Variants in NMNAT2 observed in about 807,000 individuals in gnomAD.
NMNAT2 encodes nicotinamide nucleotide adenylyltransferase 2, also known as nicotinamide/nicotinic acid mononucleotide adenylyltransferase 2.
NMNAT2 carries 11 observed loss-of-function variants against 41.6 expected under a neutral mutation model. The observed-to-expected ratio is 0.26, with a 90% CI of 0.17 to 0.44. The LOEUF is 0.44. Among genes scored for constraint, NMNAT2 ranks in the 20% least tolerant of loss-of-function variants. The probability of loss-of-function intolerance (pLI) is 1.00; values close to 1 mark genes in which losing one functional copy is unlikely to be tolerated. For missense variants in NMNAT2, 288 were observed against 407.7 expected (o/e 0.71, Z 2.53); for synonymous variants, 148 against 151.2 (o/e 0.98, Z 0.16).
At chr1:183,266,518 T>C (rs1660819612) in intron 8 of NMNAT2, 1 of 153,268 alleles carries the variant, frequency 6.5e-6, no homozygotes, top group African/African-American at 2.4e-5. Context: ...GAATAGTCGC[T>C]TTACAAAAGG....
chr1:183,330,894 T>C (rs1045638680), intron 1 of NMNAT2, among the ~76,000 whole-genome samples: 1 of 152,176 alleles, frequency 6.6e-6, no homozygotes, highest in African/African-American at 2.4e-5. Flanking sequence ...GGCTCAGAGC[T>C]CCCAGTCCCT....
chr1:183,412,869 A>G (rs1300737057), intron 1 of NMNAT2, among the ~76,000 whole-genome samples: 1 of 152,204 alleles, frequency 6.6e-6, no homozygotes, highest in Non-Finnish European at 1.5e-5. Context: ...AAATGAGGTC[A>G]ATATGTTGCA....
chr1:183,286,171 A>T (rs1040606161), intron 5 of NMNAT2, among the ~76,000 whole-genome samples: 1 of 152,186 alleles, frequency 6.6e-6, no homozygotes, highest in Non-Finnish European at 1.5e-5. Context: ...TCCTGGGCTC[A>T]AGAGATCCTC....
chr1:183,282,694 C>T (rs903051450), intron 7 of NMNAT2, among the ~76,000 whole-genome samples: 1 of 152,164 alleles, frequency 6.6e-6, no homozygotes, highest in African/African-American at 2.4e-5. Flanking sequence ...GGCACCTTCC[C>T]TCCCATCCTT....
chr1:183,318,691 C>T (rs1419185249), intron 1 of NMNAT2, among the ~76,000 whole-genome samples: 1 of 152,144 alleles, frequency 6.6e-6, no homozygotes, highest in African/African-American at 2.4e-5. Context: ...CCACGGGCTC[C>T]ATCTGCTGAG....
chr1:183,276,240 C>T (rs539593173), intron 8 of NMNAT2, among the ~76,000 whole-genome samples: 1 of 152,266 alleles, frequency 6.6e-6, no homozygotes, highest in South Asian at 2.1e-4. Flanking sequence ...CAAGTGGGAA[C>T]ATATTTGACC....
intron 1 of NMNAT2, among the ~76,000 whole-genome samples, chr1:183,329,935 T>C (rs1662545565): frequency 6.6e-6 from 1 of 152,212 alleles, no homozygotes; most frequent in Non-Finnish European, 1.5e-5. Flanking sequence ...AGAATTCATG[T>C]TTACTGACTT....
intron 1 of NMNAT2, among the ~76,000 whole-genome samples, chr1:183,295,920 C>T (rs10797870): frequency 0.55 from 83,679 of 151,954 alleles, 24,362 homozygotes; most frequent in Non-Finnish European, 0.64. Context: ...GCCATCTCAG[C>T]TCACTGCAAC....
At chr1:183,261,413 G>A (rs551890081) in intron 8 of NMNAT2, 110 bp from the exon 9 acceptor site, 2 of 990,602 alleles carry the variant, frequency 2.0e-6, no homozygotes, top group African/African-American at 3.2e-5. Context: ...GGAGCCCCAA[G>A]CTTTAGTCCC....
chr1:183,273,209 C>T (rs919635748), intron 8 of NMNAT2, among the ~76,000 whole-genome samples: 4 of 152,252 alleles, frequency 2.6e-5, no homozygotes, highest in Admixed American at 6.5e-5. Flanking sequence ...CATGGCTGCG[C>T]TGGAGTCTGA....
At chr1:183,411,451 G>A (rs1383600023) in intron 1 of NMNAT2, among the ~76,000 whole-genome samples, 3 of 152,144 alleles carry the variant, frequency 2.0e-5, no homozygotes, top group East Asian at 1.9e-4. Flanking sequence ...TTACAGGCAT[G>A]CACCACCAGG....
chr1:183,253,655 T>G (rs763452224), intron 10 of NMNAT2, among the ~76,000 whole-genome samples: 1 of 152,166 alleles, frequency 6.6e-6, no homozygotes, highest in African/African-American at 2.4e-5. Context: ...ATTCCATATA[T>G]ATTCCTACAT....
At chr1:183,298,520 T>C (rs1419227346) in intron 1 of NMNAT2, among the ~76,000 whole-genome samples, 1 of 152,220 alleles carries the variant, frequency 6.6e-6, no homozygotes, top group African/African-American at 2.4e-5. Flanking sequence ...AAGATGCTGA[T>C]GAAAGAAATC....
At chr1:183,261,396 T>G in intron 8 of NMNAT2, 93 bp from the exon 9 acceptor site, 6 of 1,117,572 alleles carry the variant, frequency 5.4e-6, no homozygotes, top group Non-Finnish European at 8.0e-6. Flanking sequence ...CTTCCATTCT[T>G]CCACATGGAG....
intron 1 of NMNAT2, among the ~76,000 whole-genome samples, chr1:183,377,106 T>A (rs1298029997): frequency 1.3e-5 from 2 of 151,928 alleles, no homozygotes; most frequent in Non-Finnish European, 2.9e-5. Flanking sequence ...AAGGCACTGG[T>A]GGAAATTCAC....
intron 1 of NMNAT2, among the ~76,000 whole-genome samples, chr1:183,315,858 T>C (rs1301534471): frequency 6.6e-6 from 1 of 150,920 alleles, no homozygotes; most frequent in Non-Finnish European, 1.5e-5. Context: ...GGCACGTGTA[T>C]ATCTATGTAA....
At chr1:183,273,211 G>A (rs74940185) in intron 8 of NMNAT2, among the ~76,000 whole-genome samples, 4,475 of 152,298 alleles carry the variant, frequency 0.029, 134 homozygotes, top group South Asian at 0.098. Flanking sequence ...TGGCTGCGCT[G>A]GAGTCTGAGA....
intron 1 of NMNAT2, among the ~76,000 whole-genome samples, chr1:183,381,627 G>T (rs540352572): frequency 6.6e-6 from 1 of 152,200 alleles, no homozygotes; most frequent in South Asian, 2.1e-4. Context: ...AGCCCAGGAA[G>T]AAGAGGTTCC....
At chr1:183,367,373 G>A (rs757437669) in intron 1 of NMNAT2, among the ~76,000 whole-genome samples, 1 of 152,142 alleles carries the variant, frequency 6.6e-6, no homozygotes, top group South Asian at 2.1e-4. Flanking sequence ...CAGGAGAATC[G>A]CTTGAACCCA....
Sources: allele counts gnomAD v4.1 joint callset (sites outside exome capture counted in the v4.1 genomes callset), GRCh38; gene constraint gnomAD v4.1.1; transcripts MANE v1.5; gene names NCBI Gene and HGNC (gene_info 2026-07-23, HGNC 2026-07-21).